Variants in CMIP observed in about 807,000 individuals in gnomAD.
CMIP encodes C-Maf-inducing protein.
Under a neutral mutation model 97.3 loss-of-function variants are expected in CMIP, and 13 were observed. The ratio of observed to expected loss-of-function variants is 0.13; its 90% confidence interval spans 0.09 to 0.21. The LOEUF is 0.21. CMIP is among the 10% of genes least tolerant of loss of function. The pLI, the probability that CMIP is intolerant of heterozygous loss-of-function variation, is 1.00. For synonymous variants in CMIP, 538 were observed against 436.3 expected, an observed-to-expected ratio of 1.23 and a Z score of -2.91; for missense variants, 847 against 1,024.9, an observed-to-expected ratio of 0.83 and a Z score of 2.37.
At chr16:81,481,122 A>T (rs1428858224) in intron 1 of CMIP, among the ~76,000 whole-genome samples, 1 of 152,058 alleles carries the variant, frequency 6.6e-6, no homozygotes, top group Non-Finnish European at 1.5e-5. Context: ...GAGATTTTTG[A>T]TGGCTGTGGG....
chr16:81,652,033 A>G lies in CMIP; in HGVS notation c.478-170A>G, dbSNP rs77979753. Reference sequence around the variant, plus strand: ...CAAATGCACCCCGTGACTTTGGATGAGACCCTTCCTCTCTCGGGGTGTCAG... The same window carrying G: ...CAAATGCACCCCGTGACTTTGGATGGGACCCTTCCTCTCTCGGGGTGTCAG... On this transcript the variant is annotated intron_variant, in intron 3 of 20. Coordinates refer to ENST00000537098, the MANE Select transcript of CMIP (RefSeq NM_198390.3). This position sits in a 1 kb window ranked among gnomAD's most constrained non-coding sequence, Gnocchi z 5.2. Among the ~76,000 whole-genome samples, 886 of 152,284 alleles carry G rather than the reference A, an allele frequency of 5.8e-3. 11 individuals are homozygous for G. Among genetic ancestry groups the G allele is most frequent in the African/African-American group, 0.019 (803 of 41,550 alleles).
chr16:81,499,605 C>T (rs1006839975), intron 1 of CMIP, among the ~76,000 whole-genome samples: 1 of 152,228 alleles, frequency 6.6e-6, no homozygotes, highest in Non-Finnish European at 1.5e-5. Flanking sequence ...ACACGTGCCC[C>T]CATCCCAGCC....
intron 9 of CMIP, among the ~76,000 whole-genome samples, chr16:81,672,976 A>G (rs1261097861): frequency 6.6e-6 from 1 of 152,232 alleles, no homozygotes; most frequent in Non-Finnish European, 1.5e-5. Context: ...TCTACCAGGA[A>G]GAGATCATGT....
rs556118471 is a variant in CMIP, at chr16:81,702,015, C to T, written c.1896+215C>T. Among the ~76,000 whole-genome samples, 55 of 152,340 alleles carry T rather than the reference C, an allele frequency of 3.6e-4. 2 individuals are homozygous for T. The South Asian group carries it at 0.011, about 32-fold the overall frequency. ...AGTCACACAGCTCATTGGGGCCTGG[C>T]CAGGACATTGCCCACCCTCCCTCCT... is the stretch of plus-strand genomic sequence containing the variant. On this transcript the variant is annotated intron_variant, in intron 16 of 20. Coordinates refer to ENST00000537098, the MANE Select transcript of CMIP (RefSeq NM_198390.3).
intron 2 of CMIP, among the ~76,000 whole-genome samples, chr16:81,608,617 G>A (rs553613761): frequency 6.6e-6 from 1 of 152,202 alleles, no homozygotes; most frequent in South Asian, 2.1e-4. Flanking sequence ...GCAAGGCCCA[G>A]GTCTCGGATT....
At chr16:81,617,955 C>T (rs950637425) in intron 2 of CMIP, among the ~76,000 whole-genome samples, 4 of 152,226 alleles carry the variant, frequency 2.6e-5, no homozygotes, top group Non-Finnish European at 4.4e-5. Context: ...TTGTCCTCCT[C>T]CACCTTCTTT....
At chr16:81,681,617 G>A (rs181819548) in intron 10 of CMIP, among the ~76,000 whole-genome samples, 5 of 152,360 alleles carry the variant, frequency 3.3e-5, no homozygotes, top group African/African-American at 9.6e-5. Flanking sequence ...CCATGTTCCC[G>A]CCGCTTGACC....
At chr16:81,462,199 C>A (rs148861903) in intron 1 of CMIP, among the ~76,000 whole-genome samples, 1,690 of 152,214 alleles carry the variant, frequency 0.011, 19 homozygotes, top group Non-Finnish European at 0.019. Context: ...GTCACAGTCA[C>A]CAAAAATCAA....
chr16:81,696,675 G>A lies in CMIP; in HGVS notation c.1638+8G>A, dbSNP rs1236637356. ...GAGCTGTTCGCCAGCATGGTACGCA[G>A]TGGGACCCCAGTGGGGTGACTTCCA... On this transcript the variant is annotated splice_region_variant and intron_variant, in intron 14 of 20. Transcript: ENST00000537098. The A allele has an allele frequency of 3.7e-6, 6 of 1,603,688 alleles. No homozygotes were observed. The Admixed American group carries it at 1.0e-4, about 27-fold the overall frequency.
At chr16:81,601,339 C>A (rs893036138) in intron 1 of CMIP, among the ~76,000 whole-genome samples, 13 of 152,174 alleles carry the variant, frequency 8.5e-5, no homozygotes, top group African/African-American at 3.1e-4. Context: ...CAGGAGGGAG[C>A]TGGCTCACCA....
Position 81,467,787 on chromosome 16 carries a change from C to T in CMIP, c.300+22246C>T, listed in dbSNP as rs540038227. On this transcript the variant is annotated intron_variant, in intron 1 of 20. Transcript: ENST00000537098. ...TTAGCAATGGGGTTTCGCCATCTTG[C>T]CCAGGCTGGTTTTGAACTCCTGGAC... Among the ~76,000 whole-genome samples the T allele has an allele frequency of 9.2e-5, 14 of 151,788 alleles. No homozygotes were observed. In the South Asian group the frequency reaches 2.7e-3, roughly 29 times the overall value.
intron 1 of CMIP, among the ~76,000 whole-genome samples, chr16:81,523,296 C>A (rs548739522): frequency 6.6e-6 from 1 of 152,336 alleles, no homozygotes; most frequent in South Asian, 2.1e-4. Context: ...TTGGAGATCT[C>A]TCCGTTGATT....
intron 1 of CMIP, among the ~76,000 whole-genome samples, chr16:81,583,962 T>C (rs187405623): frequency 3.0e-4 from 46 of 152,194 alleles, no homozygotes; most frequent in Admixed American, 2.7e-3. Context: ...CTTTGGAATA[T>C]TCCAGAAGAA....
Position 81,449,625 on chromosome 16 carries a change from TTTAA to T in CMIP, c.300+4087_300+4090del, listed in dbSNP as rs931367588. 5.5e-4 allele frequency among the ~76,000 whole-genome samples: 80 copies of T among 146,512 alleles called. 1 individual carries two copies. Among genetic ancestry groups the T allele is most frequent in the African/African-American group, 1.9e-3 (77 of 40,514 alleles). ...CTTCCCCCCATGTGCCTAGCCTGCC[TTTAA>T]TTTATTTGATGTTTTTTTGTGGCAG... On this transcript the variant is annotated intron_variant, in intron 1 of 20. Transcript: ENST00000537098.
intron 6 of CMIP, 121 bp downstream of exon 6, chr16:81,661,067 C>A (rs945197935): frequency 8.3e-7 from 1 of 1,200,636 alleles, no homozygotes; most frequent in East Asian, 2.3e-5. Flanking sequence ...GGGTCACGGT[C>A]CCAGACACAG....
chr16:81,603,409 C>A, intron 1 of CMIP: 1 of 454,408 alleles, frequency 2.2e-6, no homozygotes, highest in Non-Finnish European at 4.4e-6. Flanking sequence ...TAAACATTTT[C>A]TTTTAGGACA....
At chr16:81,593,591 T>C (rs1469560696) in intron 1 of CMIP, among the ~76,000 whole-genome samples, 1 of 152,230 alleles carries the variant, frequency 6.6e-6, no homozygotes, top group East Asian at 1.9e-4. Flanking sequence ...TTGGCAAGCA[T>C]TTCAGCAAAG....
At chr16:81,610,796 G>A (rs947756722) in intron 2 of CMIP, among the ~76,000 whole-genome samples, 2 of 152,178 alleles carry the variant, frequency 1.3e-5, no homozygotes, top group African/African-American at 4.8e-5. Flanking sequence ...TTCAGTCCTG[G>A]TTGTATTCAC....
intron 14 of CMIP, among the ~76,000 whole-genome samples, chr16:81,698,571 C>T (rs563716560): frequency 2.0e-4 from 30 of 152,246 alleles, no homozygotes; most frequent in African/African-American, 6.0e-4. Flanking sequence ...AGCAGACTCC[C>T]GAGGGGAGCA....
Sources: allele counts gnomAD v4.1 joint callset (sites outside exome capture counted in the v4.1 genomes callset), GRCh38; gene constraint gnomAD v4.1.1; non-coding constraint Gnocchi (gnomAD v3.1); transcripts MANE v1.5; gene names NCBI Gene and HGNC (gene_info 2026-07-23, HGNC 2026-07-21).